Variants in PFDN2 observed in about 807,000 individuals in gnomAD.
PFDN2 encodes prefoldin subunit 2.
In PFDN2, 7 loss-of-function variants were observed where a neutral mutation model predicts 18.3. The ratio of observed to expected loss-of-function variants is 0.38; its 90% CI spans 0.22 to 0.72. The LOEUF is 0.72. Among genes scored for constraint, PFDN2 ranks in the 30% least tolerant of loss-of-function variants. PFDN2 has a pLI of 0.47. For missense variants in PFDN2, 181 were observed against 199.1 expected (o/e 0.91, Z 0.55); for synonymous variants, 76 against 75.0 (o/e 1.01, Z -0.07).
intron 1 of PFDN2, among the ~76,000 whole-genome samples, chr1:161,116,219 ACT>A (rs944268545): frequency 2.6e-5 from 4 of 151,714 alleles, no homozygotes; most frequent in African/African-American, 9.7e-5. Flanking sequence ...ACGAAGTGAA[ACT>A]CTGTCTCTAA....
intron 1 of PFDN2, among the ~76,000 whole-genome samples, chr1:161,105,894 T>C (rs529565952): frequency 1.3e-5 from 2 of 152,350 alleles, no homozygotes; most frequent in South Asian, 2.1e-4. Flanking sequence ...ACAGTTATTA[T>C]GGAAAATTTC....
Position 161,102,191 on chromosome 1 carries a change from C to T in PFDN2, c.165-20G>A. ...ACTAGGCTGGGATAGGAGAACAAGG[C>T]AGGACCTGAGGATTCAGCCCCACTC... On this transcript the variant is annotated intron_variant, in intron 2 of 3. Coordinates refer to ENST00000368010, the MANE Select transcript of PFDN2 (RefSeq NM_012394.4). The T allele has an allele frequency of 6.2e-7, 1 of 1,614,118 alleles. No homozygotes were observed. Among genetic ancestry groups the T allele is most frequent in the Non-Finnish European group, 8.5e-7 (1 of 1,179,956 alleles).
At chr1:161,111,559 T>C (rs1199748045) in intron 1 of PFDN2, among the ~76,000 whole-genome samples, 2 of 152,174 alleles carry the variant, frequency 1.3e-5, no homozygotes, top group African/African-American at 4.8e-5. Context: ...CACTGCCAGA[T>C]GTCTCCTAGG....
At chr1:161,110,127 AG>A (rs1232209089) in intron 1 of PFDN2, among the ~76,000 whole-genome samples, 1 of 151,850 alleles carries the variant, frequency 6.6e-6, no homozygotes, top group Non-Finnish European at 1.5e-5. Context: ...TGGCAGGCTG[AG>A]GCAGGCAGAC....
intron 1 of PFDN2, among the ~76,000 whole-genome samples, chr1:161,113,360 C>T (rs1277811063): frequency 6.6e-6 from 1 of 152,218 alleles, no homozygotes; most frequent in African/African-American, 2.4e-5. Context: ...TTAAGTCCCT[C>T]ATTTAAAAAT....
chr1:161,116,098 A>G lies in PFDN2; in HGVS notation c.75+1854T>C, dbSNP rs557543342. ...TTTTAATTAGCCATTCAAATGGCTTATGCCTATAGTCCCAGCTACTCAGGA... is the reference window on the plus strand; with the variant it reads ...TTTTAATTAGCCATTCAAATGGCTTGTGCCTATAGTCCCAGCTACTCAGGA... On this transcript the variant is annotated intron_variant, in intron 1 of 3. Transcript: ENST00000368010. 5.3e-4 allele frequency among the ~76,000 whole-genome samples: 81 copies of G among 152,308 alleles called. 1 individual carries two copies. In the South Asian group the frequency reaches 0.013, roughly 25 times the overall value.
chr1:161,113,020 A>G (rs1400168599), intron 1 of PFDN2, among the ~76,000 whole-genome samples: 1 of 152,100 alleles, frequency 6.6e-6, no homozygotes, highest in Non-Finnish European at 1.5e-5. Context: ...ATCTCTGGAT[A>G]GTTGGATTAT....
intron 1 of PFDN2, among the ~76,000 whole-genome samples, chr1:161,110,356 G>C (rs147865758): frequency 2.0e-5 from 3 of 151,928 alleles, no homozygotes; most frequent in Admixed American, 2.0e-4. Context: ...GCAAGGCTCC[G>C]TCTCCAAAAA....
chr1:161,115,708 A>G (rs1189254815), intron 1 of PFDN2, among the ~76,000 whole-genome samples: 1 of 152,248 alleles, frequency 6.6e-6, no homozygotes, highest in Non-Finnish European at 1.5e-5. Context: ...GACCACATTC[A>G]TGTAACCTTT....
At chr1:161,103,550 A>T (rs538960423) in intron 1 of PFDN2, among the ~76,000 whole-genome samples, 1 of 151,770 alleles carries the variant, frequency 6.6e-6, no homozygotes, top group Admixed American at 6.6e-5. Flanking sequence ...TTAGCCGGGC[A>T]TGGTGGCATG....
At chr1:161,112,258 T>G (rs537699987) in intron 1 of PFDN2, among the ~76,000 whole-genome samples, 11 of 152,338 alleles carry the variant, frequency 7.2e-5, no homozygotes, top group African/African-American at 2.6e-4. Flanking sequence ...ATCTATCATA[T>G]AACAAGTTTT....
chr1:161,110,819 A>ATT (rs1342029221), intron 1 of PFDN2, among the ~76,000 whole-genome samples: 4 of 133,724 alleles, frequency 3.0e-5, no homozygotes, highest in Middle Eastern at 3.7e-3. Context: ...TCTTCATGAA[A>ATT]TTTTTTTTTT....
intron 3 of PFDN2, among the ~76,000 whole-genome samples, chr1:161,101,610 G>A (rs375363774): frequency 1.2e-4 from 18 of 152,218 alleles, no homozygotes; most frequent in East Asian, 7.7e-4. Context: ...TCATGTATTC[G>A]TGAAACACAC....
chr1:161,111,853 T>C (rs1203252724), intron 1 of PFDN2, among the ~76,000 whole-genome samples: 1 of 152,258 alleles, frequency 6.6e-6, no homozygotes, highest in African/African-American at 2.4e-5. Context: ...CATATTTTCA[T>C]GGTATTGTGA....
intron 1 of PFDN2, among the ~76,000 whole-genome samples, chr1:161,111,491 A>G (rs1323693227): frequency 1.3e-5 from 2 of 152,190 alleles, no homozygotes; most frequent in Non-Finnish European, 2.9e-5. Flanking sequence ...CCTGGACTAT[A>G]CCCACTAAAA....
intron 1 of PFDN2, among the ~76,000 whole-genome samples, chr1:161,103,835 G>A (rs1420768126): frequency 1.3e-5 from 2 of 152,026 alleles, no homozygotes; most frequent in Non-Finnish European, 2.9e-5. Flanking sequence ...GAGTGTGGGG[G>A]GAAAAAATGA....
At chr1:161,103,319 C>T (rs937018018) in intron 1 of PFDN2, among the ~76,000 whole-genome samples, 1 of 151,878 alleles carries the variant, frequency 6.6e-6, no homozygotes, top group Non-Finnish European at 1.5e-5. Context: ...GAACTTTGTT[C>T]AGTCTAGTTA....
chr1:161,114,357 C>T (rs886077401), intron 1 of PFDN2, among the ~76,000 whole-genome samples: 7 of 152,212 alleles, frequency 4.6e-5, no homozygotes, highest in African/African-American at 1.7e-4. Context: ...CTTTTACCCC[C>T]TTTTCTCCAT....
At chr1:161,110,090 T>C (rs1654774782) in intron 1 of PFDN2, among the ~76,000 whole-genome samples, 1 of 145,438 alleles carries the variant, frequency 6.9e-6, no homozygotes, top group Non-Finnish European at 1.5e-5. Context: ...ATGGGCGCAG[T>C]AGCTCACTCC....
Sources: allele counts gnomAD v4.1 joint callset (sites outside exome capture counted in the v4.1 genomes callset), GRCh38; gene constraint gnomAD v4.1.1; transcripts MANE v1.5; gene names NCBI Gene and HGNC (gene_info 2026-07-23, HGNC 2026-07-21).